MSTO1: variants seen among roughly 807,000 people sequenced by gnomAD.
MSTO1 encodes the protein protein misato homolog 1.
In MSTO1, 24 loss-of-function variants were observed where a neutral mutation model predicts 55.7. The ratio of observed to expected loss-of-function variants is 0.43; its 90% CI spans 0.31 to 0.61. The LOEUF is 0.61. MSTO1 is among the 20% of genes least tolerant of loss of function. The pLI is 0.09. For missense variants in MSTO1, 363 were observed against 625.7 expected (o/e 0.58, Z 4.48); for synonymous variants, 162 against 252.8 (o/e 0.64, Z 3.41).
chr1:155,608,294 G>A (rs948976442), upstream of MSTO1, among the ~76,000 whole-genome samples: 3 of 152,086 alleles, frequency 2.0e-5, no homozygotes, highest in Non-Finnish European at 1.5e-5. Context: ...CTCTGGTTAG[G>A]ACTACAGATG....
the MSTO1 span, among the ~76,000 whole-genome samples, chr1:155,585,836 C>T: frequency 1.3e-5 from 2 of 152,046 alleles, no homozygotes; most frequent in Non-Finnish European, 1.5e-5. Flanking sequence ...CTAAGAGTAA[C>T]CATTATTCTA....
At chr1:155,597,983 ATTT>A in the MSTO1 span, among the ~76,000 whole-genome samples, 2 of 148,244 alleles carry the variant, frequency 1.3e-5, no homozygotes, top group African/African-American at 2.5e-5. Flanking sequence ...CGCCCAGCTA[ATTT>A]TTTGTATTTT....
At position 155,612,317 on chromosome 1, in the gene MSTO1, G is replaced by A. The variant is rs764015558; in HGVS notation, c.813+1G>A. On this transcript the variant is annotated splice_donor_variant, in intron 8 of 13. Transcript: ENST00000245564. LOFTEE classifies it high-confidence loss of function. ...GCTACCTGGTCCCTACCATCGTGGG[G>A]TGAGTGGAACTTAGAGAAGTAAACA... The A allele has an allele frequency of 2.5e-6, 4 of 1,578,080 alleles. No homozygotes were observed. Among genetic ancestry groups the A allele is most frequent in the African/African-American group, 1.4e-5 (1 of 73,976 alleles).
At position 155,610,257 on chromosome 1, in the gene MSTO1, C is replaced by T. The variant is rs769297681; in HGVS notation, c.9C>T (p.Gly3=). 25 of 709,900 alleles carry T rather than the reference C, an allele frequency of 3.5e-5. No homozygotes were observed. The East Asian group carries it at 5.7e-4, about 16-fold the overall frequency. 44.0% of individuals were successfully genotyped at this position (709,900 alleles called of 1,614,324 possible). Residue 3 remains glycine, a synonymous_variant, in exon 1 of 14, where the codon GGC becomes GGT. Coordinates refer to ENST00000245564, the MANE Select transcript of MSTO1 (RefSeq NM_018116.4). ...CCGTGGAGCAGCGCAGTATGGCGGG[C>T]GGGGCCCGGGAGGTGCTCACACTGC... MA[G]GAREVLTLQL... is the part of the protein sequence containing the mutation.
chr1:155,567,535 C>T, the MSTO1 span, among the ~76,000 whole-genome samples: 51 of 151,610 alleles, frequency 3.4e-4, 1 homozygote, highest in South Asian at 9.4e-3. Flanking sequence ...CTCCTGACCT[C>T]GTGATCCGCC....
At chr1:155,594,659 C>G in the MSTO1 span, among the ~76,000 whole-genome samples, 1 of 151,656 alleles carries the variant, frequency 6.6e-6, no homozygotes, top group Non-Finnish European at 1.5e-5. Flanking sequence ...ACTGCATTGC[C>G]CATCCTGATC....
chr1:155,579,062 C>T, the MSTO1 span, among the ~76,000 whole-genome samples: 1 of 151,174 alleles, frequency 6.6e-6, no homozygotes, highest in East Asian at 2.0e-4. Context: ...CATCCCAGCA[C>T]TTTGGGAGGC....
At chr1:155,597,298 G>T in the MSTO1 span, among the ~76,000 whole-genome samples, 1 of 151,326 alleles carries the variant, frequency 6.6e-6, no homozygotes, top group Non-Finnish European at 1.5e-5. Context: ...GTAAAACCCC[G>T]TCTCTATTAA....
At chr1:155,599,858 A>G in the MSTO1 span, among the ~76,000 whole-genome samples, 2 of 152,242 alleles carry the variant, frequency 1.3e-5, no homozygotes, top group Non-Finnish European at 2.9e-5. Flanking sequence ...TTAGATATGC[A>G]TACACATAAA....
the MSTO1 span, among the ~76,000 whole-genome samples, chr1:155,599,202 G>A: frequency 6.6e-6 from 1 of 152,082 alleles, no homozygotes; most frequent in Admixed American, 6.6e-5. Context: ...AAAAAGAAAA[G>A]CCTTTACTCC....
chr1:155,594,862 G>A, the MSTO1 span, among the ~76,000 whole-genome samples: 3 of 152,106 alleles, frequency 2.0e-5, no homozygotes, highest in East Asian at 1.9e-4. Flanking sequence ...AAGGCTAGGC[G>A]TGGGTGGCTC....
chr1:155,604,574 G>T, the MSTO1 span, among the ~76,000 whole-genome samples: 2 of 152,124 alleles, frequency 1.3e-5, no homozygotes, highest in African/African-American at 2.4e-5. Context: ...CAAAAATTTT[G>T]TACGTTGAAA....
At chr1:155,589,417 ATTAGT>A in the MSTO1 span, among the ~76,000 whole-genome samples, 1 of 151,898 alleles carries the variant, frequency 6.6e-6, no homozygotes, top group Admixed American at 6.6e-5. Context: ...GGGTGACTGT[ATTAGT>A]CAGGGTTCTC....
intron 8 of MSTO1, 38 bp downstream of exon 8, chr1:155,612,354 G>A (rs1302719565): frequency 6.3e-7 from 1 of 1,580,226 alleles, no homozygotes; most frequent in Non-Finnish European, 8.6e-7. Context: ...TCACACAGTG[G>A]GGAGGGAGAA....
the MSTO1 span, among the ~76,000 whole-genome samples, chr1:155,603,822 T>C: frequency 6.6e-6 from 1 of 152,052 alleles, no homozygotes; most frequent in African/African-American, 2.4e-5. Context: ...CACGCCACTG[T>C]ACTCCAGTCT....
rs746317423 is a variant in MSTO1 at position 155,613,532 on chromosome 1, C to G, written c.1354C>G (p.Gln452Glu). Residue 452 changes from glutamine (Q) to glutamate (E), a missense_variant, in exon 12 of 14, where the codon CAG becomes GAG. This residue lies in a region of MSTO1 where 231 missense variants were observed against 286.9 expected (regional missense o/e 0.81). Transcript: ENST00000245564. ...ACTTGEEILA[Q>E]YLQQQQPGVM... ...TACCACTGGGGAAGAAATCTTGGCTCAGTATTTACAACAGCAGCAGCCTGG... is the reference window on the plus strand; with the variant it reads ...TACCACTGGGGAAGAAATCTTGGCTGAGTATTTACAACAGCAGCAGCCTGG... 3.1e-6 allele frequency: 5 copies of G among 1,613,086 alleles called. No homozygotes were observed. The South Asian group carries it at 4.4e-5, about 14-fold the overall frequency.
chr1:155,611,377 T>A, intron 4 of MSTO1, 86 bp downstream of exon 4: 1 of 1,612,252 alleles, frequency 6.2e-7, no homozygotes, highest in Non-Finnish European at 8.5e-7. Flanking sequence ...TTTTAATCAT[T>A]TTAAGTGTCT....
the MSTO1 span, among the ~76,000 whole-genome samples, chr1:155,590,260 G>A: frequency 6.6e-6 from 1 of 152,110 alleles, no homozygotes; most frequent in East Asian, 1.9e-4. Context: ...AGCAGCAGCA[G>A]GAACTCTTGG....
chr1:155,600,463 T>C, the MSTO1 span, among the ~76,000 whole-genome samples: 1 of 152,230 alleles, frequency 6.6e-6, no homozygotes, highest in African/African-American at 2.4e-5. Context: ...CTTCTTTCTA[T>C]ACAGACACAG....
Sources: allele counts gnomAD v4.1 joint callset (sites outside exome capture counted in the v4.1 genomes callset), GRCh38; gene constraint gnomAD v4.1.1; regional missense constraint gnomAD v4.1.1; transcripts MANE v1.5; gene names NCBI Gene and HGNC (gene_info 2026-07-23, HGNC 2026-07-21).